OR56A3: variants seen among roughly 807,000 people sequenced by gnomAD.
The protein encoded by OR56A3 is olfactory receptor 56A3.
Under a neutral mutation model 17.5 loss-of-function variants are expected in OR56A3, and 23 were observed. The ratio of observed to expected loss-of-function variants is 1.32; its 90% CI spans 0.95 to 1.87. The LOEUF is 1.87. OR56A3 is among the 40% of genes most tolerant of loss of function. OR56A3 has a pLI of 0.00. For synonymous variants in OR56A3, 175 were observed against 150.6 expected, an observed-to-expected ratio of 1.16 and a Z score of -1.19; for missense variants, 366 against 380.1, an observed-to-expected ratio of 0.96 and a Z score of 0.31.
the OR56A3 span, among the ~76,000 whole-genome samples, chr11:5,980,942 A>C: frequency 6.6e-6 from 1 of 152,170 alleles, no homozygotes; most frequent in African/African-American, 2.4e-5. Flanking sequence ...CTGGATATGA[A>C]GTTCTTGACT....
At chr11:5,956,666 C>T in the OR56A3 span, among the ~76,000 whole-genome samples, 3 of 152,168 alleles carry the variant, frequency 2.0e-5, no homozygotes, top group Non-Finnish European at 2.9e-5. Flanking sequence ...GCTTTATGCT[C>T]ATGTTTGGAG....
the OR56A3 span, among the ~76,000 whole-genome samples, chr11:5,962,827 C>T: frequency 6.6e-6 from 1 of 151,954 alleles, no homozygotes; most frequent in East Asian, 1.9e-4. Context: ...CGTGAGCCAC[C>T]GTCTGGGCTT....
chr11:6,015,270 C>T, the OR56A3 span, among the ~76,000 whole-genome samples: 106,949 of 151,870 alleles, frequency 0.7, 37,929 homozygotes, highest in East Asian at 0.94. Flanking sequence ...GAGGGAAGAA[C>T]GGTTTTGTGA....
the OR56A3 span, among the ~76,000 whole-genome samples, chr11:5,965,064 G>A: frequency 6.6e-6 from 1 of 152,070 alleles, no homozygotes; most frequent in African/African-American, 2.4e-5. Flanking sequence ...TTTCCTATGG[G>A]AGGAAAAAAT....
At position 5,948,488 on chromosome 11, in the gene OR56A3, G is replaced by T; in HGVS notation, c.*194G>T. 1.8e-6 allele frequency: 1 copy of T among 544,160 alleles called. No homozygotes were observed. Among genetic ancestry groups the T allele is most frequent in the East Asian group, 2.9e-5 (1 of 34,736 alleles). The allele number at this position is 544,160 out of a possible 1,614,324, so 33.7% of individuals were successfully genotyped here. A position where few individuals can be genotyped will look rare whatever the true frequency, so the allele number is the denominator to read the frequency against. Reference sequence around the variant, plus strand: ...CACCCTTTTCTCAGAAATATTCTTGGCCCTCTCTCGTTTTATTCCATGCTT... The same window carrying T: ...CACCCTTTTCTCAGAAATATTCTTGTCCCTCTCTCGTTTTATTCCATGCTT... On this transcript the variant is annotated 3_prime_UTR_variant, in exon 3 of 3. Coordinates refer to ENST00000641160, the MANE Select transcript of OR56A3 (RefSeq NM_001003443.3).
At chr11:5,991,487 T>C in the OR56A3 span, among the ~76,000 whole-genome samples, 5 of 152,182 alleles carry the variant, frequency 3.3e-5, no homozygotes, top group Non-Finnish European at 2.9e-5. Flanking sequence ...ATCTAAATGG[T>C]AGAAGCCAGG....
At chr11:5,966,694 C>A in the OR56A3 span, among the ~76,000 whole-genome samples, 1 of 151,966 alleles carries the variant, frequency 6.6e-6, no homozygotes, top group Non-Finnish European at 1.5e-5. Context: ...CTATGCTGGC[C>A]AGGGACAGGA....
the OR56A3 span, among the ~76,000 whole-genome samples, chr11:5,961,176 G>A: frequency 3.3e-5 from 5 of 151,622 alleles, no homozygotes; most frequent in African/African-American, 1.2e-4. Flanking sequence ...GGGAGGTGGG[G>A]GGCCCCTCTG....
At chr11:5,987,078 A>T in the OR56A3 span, 1 of 695,760 alleles carries the variant, frequency 1.4e-6, no homozygotes, top group Non-Finnish European at 2.4e-6. Context: ...TTCTTTTACA[A>T]GTGAGACATC....
chr11:6,013,759 G>A, the OR56A3 span, among the ~76,000 whole-genome samples: 1 of 152,132 alleles, frequency 6.6e-6, no homozygotes, highest in African/African-American at 2.4e-5. Context: ...TTGTGCCCAT[G>A]TGCACCATCA....
downstream of OR56A3, among the ~76,000 whole-genome samples, chr11:5,954,421 G>T (rs1847922912): frequency 6.6e-6 from 1 of 152,184 alleles, no homozygotes; most frequent in Admixed American, 6.5e-5. Flanking sequence ...TTAATGGAAT[G>T]AAATAAGGTG....
the OR56A3 span, chr11:5,967,938 G>GAC: frequency 6.3e-7 from 1 of 1,595,488 alleles, no homozygotes; most frequent in Non-Finnish European, 8.5e-7. Flanking sequence ...TTTAGACACA[G>GAC]ACACGTTAGT....
chr11:6,006,274 G>T, the OR56A3 span: 9 of 152,192 alleles, frequency 5.9e-5, no homozygotes, highest in African/African-American at 1.9e-4. Flanking sequence ...TAGCTGGAAT[G>T]ATTTTTCCTC....
the OR56A3 span, among the ~76,000 whole-genome samples, chr11:5,962,402 C>T: frequency 6.6e-6 from 1 of 152,104 alleles, no homozygotes; most frequent in African/African-American, 2.4e-5. Context: ...TAATGCTGAC[C>T]TCTTACAATG....
the OR56A3 span, among the ~76,000 whole-genome samples, chr11:5,993,688 T>C: frequency 1.6e-4 from 24 of 152,224 alleles, no homozygotes; most frequent in South Asian, 2.5e-3. Context: ...GCAAACCACA[T>C]GTCATTTTAA....
At chr11:6,019,270 T>C in the OR56A3 span, 1 of 151,018 alleles carries the variant, frequency 6.6e-6, no homozygotes, top group Non-Finnish European at 1.5e-5. Flanking sequence ...AAAAATCCTC[T>C]GCAAAATACT....
At chr11:5,996,481 T>C in the OR56A3 span, among the ~76,000 whole-genome samples, 1 of 151,372 alleles carries the variant, frequency 6.6e-6, no homozygotes, top group African/African-American at 2.4e-5. Flanking sequence ...TTACTCTTCC[T>C]CTACTCCTAC....
chr11:5,973,396 C>T, the OR56A3 span, among the ~76,000 whole-genome samples: 1 of 152,132 alleles, frequency 6.6e-6, no homozygotes, highest in East Asian at 1.9e-4. Context: ...TAATTTTGTT[C>T]CCTATTAATA....
chr11:6,015,322 CT>C, the OR56A3 span, among the ~76,000 whole-genome samples: 6 of 152,200 alleles, frequency 3.9e-5, no homozygotes, highest in East Asian at 1.2e-3. Flanking sequence ...CCTGGGGACA[CT>C]GCTGTCTGCA....
Sources: allele counts gnomAD v4.1 joint callset (sites outside exome capture counted in the v4.1 genomes callset), GRCh38; gene constraint gnomAD v4.1.1; transcripts MANE v1.5; gene names NCBI Gene and HGNC (gene_info 2026-07-23, HGNC 2026-07-21).